PTPRG: variants seen among roughly 807,000 people sequenced by gnomAD.
The protein encoded by PTPRG is protein tyrosine phosphatase receptor type G.
In PTPRG, 102 loss-of-function variants were observed where a neutral mutation model predicts 165.3. The ratio of observed to expected loss-of-function variants is 0.62; its 90% CI spans 0.53 to 0.73. PTPRG has a LOEUF of 0.73. Ranked by LOEUF, PTPRG falls within the 30% of genes least tolerant of loss-of-function variation. The pLI, the probability that PTPRG is intolerant of heterozygous loss-of-function variation, is 0.00. For missense variants in PTPRG, 1,866 were observed against 1,861.4 expected (o/e 1.00, Z -0.05); for synonymous variants, 675 against 669.5 (o/e 1.01, Z -0.13).
intron 1 of PTPRG, among the ~76,000 whole-genome samples, chr3:61,568,416 T>G (rs1199376282): frequency 1.3e-5 from 2 of 152,186 alleles, no homozygotes; most frequent in African/African-American, 4.8e-5. Flanking sequence ...CAAGATTGCT[T>G]TAAGTAGCTA....
At chr3:61,979,547 GTGACTTTTATGACTAGT>G (rs6147845) in intron 2 of PTPRG, among the ~76,000 whole-genome samples, 66,647 of 151,928 alleles carry the variant, frequency 0.44, 15,027 homozygotes, top group African/African-American at 0.55. Context: ...CTCTGATTAG[GTGACTTTTATGACTAGT>G]ATTTCTGCTA....
At chr3:61,783,028 A>G (rs2034590580) in intron 2 of PTPRG, among the ~76,000 whole-genome samples, 1 of 151,418 alleles carries the variant, frequency 6.6e-6, no homozygotes, top group Non-Finnish European at 1.5e-5. Flanking sequence ...CTGGTCTAAA[A>G]CTCCTTGCCT....
intron 1 of PTPRG, among the ~76,000 whole-genome samples, chr3:61,712,611 A>G (rs1399356131): frequency 6.6e-6 from 1 of 152,136 alleles, no homozygotes; most frequent in Non-Finnish European, 1.5e-5. Context: ...TGCCTTGTGA[A>G]GAAGATGCCT....
chr3:62,246,462 C>T (rs1701291080), intron 15 of PTPRG, among the ~76,000 whole-genome samples: 1 of 152,164 alleles, frequency 6.6e-6, no homozygotes, highest in Admixed American at 6.5e-5. Context: ...ACCCCACAGT[C>T]CTATTTAATA....
Position 61,945,560 on chromosome 3 carries a change from CAAAAAAAAAAAAAAA to C in PTPRG, c.191-44050_191-44036del, listed in dbSNP as rs71123242. Among the ~76,000 whole-genome samples, 20 of 55,464 alleles carry C rather than the reference CAAAAAAAAAAAAAAA, an allele frequency of 3.6e-4. No individual in the cohort carries two copies. The East Asian group carries it at 4.1e-3, about 11-fold the overall frequency. The allele number at this position is 55,464 out of a possible 152,430, so 36.4% of individuals were successfully genotyped here. On this transcript the variant is annotated intron_variant, in intron 2 of 29. Transcript: ENST00000474889. ...GGCAATAGGAATGAAACTCCGTCAC[CAAAAAAAAAAAAAAA>C]AAAAAAAAAAAAAATGGAAAAAACA...
intron 3 of PTPRG, among the ~76,000 whole-genome samples, chr3:61,995,163 A>G (rs2040997928): frequency 7.7e-6 from 1 of 130,560 alleles, no homozygotes; most frequent in African/African-American, 3.0e-5. Context: ...ATCTTGGTTC[A>G]CTGCAACCTC....
At chr3:61,588,036 G>A (rs922632529) in intron 1 of PTPRG, among the ~76,000 whole-genome samples, 3 of 151,420 alleles carry the variant, frequency 2.0e-5, no homozygotes, top group East Asian at 3.9e-4. Flanking sequence ...TTGTCTTGTC[G>A]CTTTAAAAAG....
At chr3:61,874,900 C>G (rs1364409013) in intron 2 of PTPRG, among the ~76,000 whole-genome samples, 1 of 152,182 alleles carries the variant, frequency 6.6e-6, no homozygotes, top group East Asian at 1.9e-4. Context: ...GTAAATCTGG[C>G]ATCACAAAAT....
chr3:61,741,188 T>A (rs557582684), intron 1 of PTPRG, among the ~76,000 whole-genome samples: 1 of 152,364 alleles, frequency 6.6e-6, no homozygotes, highest in African/African-American at 2.4e-5. Context: ...GATTTCACCA[T>A]CCTTGAGGGA....
chr3:61,600,181 T>G (rs1392961003), intron 1 of PTPRG, among the ~76,000 whole-genome samples: 1 of 139,366 alleles, frequency 7.2e-6, no homozygotes, highest in African/African-American at 2.9e-5. Context: ...AAAATATATA[T>G]ATATATATAT....
At chr3:61,823,823 TC>T (rs1171049037) in intron 2 of PTPRG, among the ~76,000 whole-genome samples, 2 of 152,024 alleles carry the variant, frequency 1.3e-5, no homozygotes, top group Non-Finnish European at 2.9e-5. Context: ...ATAATAAATA[TC>T]CCTGTTATAA....
chr3:61,876,283 G>T (rs1026300787), intron 2 of PTPRG, among the ~76,000 whole-genome samples: 1 of 152,204 alleles, frequency 6.6e-6, no homozygotes, highest in Non-Finnish European at 1.5e-5. Context: ...ATAGATTGGG[G>T]AGGGCTAAGG....
Position 62,228,364 on chromosome 3 carries a change from C to G in PTPRG, c.2289-2861C>G, listed in dbSNP as rs1043384917. 7.9e-5 allele frequency among the ~76,000 whole-genome samples: 12 copies of G among 151,824 alleles called. No homozygotes were observed. Among genetic ancestry groups the G allele is most frequent in the Non-Finnish European group, 1.5e-4 (10 of 67,944 alleles). ...GGTGAAACCCCGTCTACTAAAAATA[C>G]AAAAACAATTAGCCGGATGTGGTGG... On this transcript the variant is annotated intron_variant, in intron 13 of 29. Coordinates refer to ENST00000474889, the MANE Select transcript of PTPRG (RefSeq NM_002841.4). This position sits in a 1 kb window ranked among gnomAD's most constrained non-coding sequence, Gnocchi z 4.1.
rs141848951 is a variant in PTPRG at position 62,165,023 on chromosome 3, TA to T, written c.841-2946del. Among the ~76,000 whole-genome samples the T allele has an allele frequency of 6.7e-3, 1,014 of 152,322 alleles. 14 individuals are homozygous for T. The highest frequency in any genetic ancestry group is 0.024 in the African/African-American group (981 of 41,568). ...TTCTCTAAAAAGTCATCCTGAAAGT[TA>T]AGGAATGTCTCTCTCTATTAAACTC... On this transcript the variant is annotated intron_variant, in intron 7 of 29. Coordinates refer to ENST00000474889, the MANE Select transcript of PTPRG (RefSeq NM_002841.4).
intron 2 of PTPRG, chr3:61,750,705 GGACA>G (rs2033392298): frequency 6.6e-6 from 1 of 152,146 alleles, no homozygotes; most frequent in Non-Finnish European, 1.5e-5. Flanking sequence ...TGACAATTCT[GGACA>G]GACTGGCTGT....
chr3:61,702,528 T>TAC (rs139157826), intron 1 of PTPRG, among the ~76,000 whole-genome samples: 17 of 152,096 alleles, frequency 1.1e-4, no homozygotes, highest in South Asian at 8.3e-4. Flanking sequence ...TACACACGTG[T>TAC]ACACACACAC....
rs181759294 is a variant in PTPRG, at chr3:61,724,374, A to C, written c.86-24504A>C. Reference sequence around the variant, plus strand: ...GTATTCTGTGGCATGGATGCACCACAGTTGGTTTAATCTTTCACCTTTTGA... The same window carrying C: ...GTATTCTGTGGCATGGATGCACCACCGTTGGTTTAATCTTTCACCTTTTGA... On this transcript the variant is annotated intron_variant, in intron 1 of 29. Coordinates refer to ENST00000474889, the MANE Select transcript of PTPRG (RefSeq NM_002841.4). Among the ~76,000 whole-genome samples, 204 of 152,212 alleles carry C rather than the reference A, an allele frequency of 1.3e-3. 2 individuals carry two copies. Among genetic ancestry groups the C allele is most frequent in the Non-Finnish European group, 1.2e-3 (82 of 68,016 alleles).
In PTPRG at chr3:61,567,754, G is replaced by T. The variant is rs113760006; in HGVS notation, c.85+5382G>T. 9.6e-3 allele frequency among the ~76,000 whole-genome samples: 1,450 copies of T among 151,678 alleles called. 21 individuals are homozygous for T. Among genetic ancestry groups the T allele is most frequent in the African/African-American group, 0.032 (1,311 of 41,312 alleles). ...TCTCAGCACTTTGGGAGACCCAGGT[G>T]GGCAGATTGCTTGAGCCCAGGAGTT... On this transcript the variant is annotated intron_variant, in intron 1 of 29. Transcript: ENST00000474889.
chr3:61,956,090 TTA>T (rs139960761), intron 2 of PTPRG, among the ~76,000 whole-genome samples: 24 of 149,050 alleles, frequency 1.6e-4, no homozygotes, highest in East Asian at 2.0e-4. Context: ...GGGAAAAAAA[TTA>T]TATATATATA....
Sources: gnomAD v4.1 joint callset for allele counts (sites outside exome capture counted in the v4.1 genomes callset) on GRCh38, gnomAD v4.1.1 for gene constraint, Gnocchi (gnomAD v3.1) non-coding constraint, MANE v1.5 for transcripts, NCBI Gene and HGNC (gene_info 2026-07-23, HGNC 2026-07-21) for gene names.